The following MCTP2 variants were observed in gnomAD, a reference collection of about 807,000 sequenced individuals.
MCTP2 encodes the protein multiple C2 and transmembrane domain containing 2, also known as multiple C2 and transmembrane domain-containing protein 2.
In MCTP2, 132 loss-of-function variants were observed where a neutral mutation model predicts 111.6. The observed-to-expected ratio is 1.18, with a 90% confidence interval of 1.03 to 1.37. The LOEUF is 1.37. Among genes scored for constraint, MCTP2 ranks in the 40% most tolerant of loss-of-function variants. The probability of loss-of-function intolerance (pLI) is 0.00; values close to 1 mark genes in which losing one functional copy is unlikely to be tolerated. For synonymous variants in MCTP2, 395 were observed against 387.7 expected, an observed-to-expected ratio of 1.02 and a Z score of -0.22; for missense variants, 1,183 against 1,067.9, an observed-to-expected ratio of 1.11 and a Z score of -1.50.
intron 2 of MCTP2, among the ~76,000 whole-genome samples, chr15:94,305,929 C>T (rs294543): frequency 0.64 from 97,023 of 152,034 alleles, 32,690 homozygotes; most frequent in African/African-American, 0.86. Flanking sequence ...AGCACTCTCC[C>T]AGTACTTACT....
chr15:94,369,946 A>G (rs2079398288), intron 11 of MCTP2, 141 bp from the exon 12 acceptor site: 1 of 494,580 alleles, frequency 2.0e-6, no homozygotes, highest in Non-Finnish European at 3.5e-6. Flanking sequence ...CCTGTTATAT[A>G]ATATATTTTT....
At chr15:94,474,796 C>T (rs2074217407) in intron 21 of MCTP2, among the ~76,000 whole-genome samples, 1 of 152,014 alleles carries the variant, frequency 6.6e-6, no homozygotes, top group African/African-American at 2.4e-5. Context: ...ATCCTGGACA[C>T]CTTCATAAAT....
chr15:94,450,720 A>T (rs1369957297), intron 19 of MCTP2, among the ~76,000 whole-genome samples: 1 of 152,188 alleles, frequency 6.6e-6, no homozygotes. Context: ...TTTTTGCATT[A>T]ATCTCTTCTG....
chr15:94,236,153 GCCTTGTTT>G (rs1192189147), intron 1 of MCTP2, among the ~76,000 whole-genome samples: 1 of 152,072 alleles, frequency 6.6e-6, no homozygotes, highest in Non-Finnish European at 1.5e-5. Context: ...ATGGAAGGTG[GCCTTGTTT>G]CCTTGTTTAG....
intron 17 of MCTP2, among the ~76,000 whole-genome samples, chr15:94,411,098 CT>C (rs2082132711): frequency 6.6e-6 from 1 of 152,144 alleles, no homozygotes; most frequent in African/African-American, 2.4e-5. Context: ...CTTTTCTCCC[CT>C]TTCATTTGTT....
chr15:94,437,590 C>A (rs1305116686), intron 17 of MCTP2, among the ~76,000 whole-genome samples: 5 of 151,996 alleles, frequency 3.3e-5, no homozygotes, highest in Admixed American at 3.3e-4. Flanking sequence ...AAGACAATCT[C>A]AGTCTTAATT....
At chr15:94,362,393 T>C (rs1009277103) in intron 10 of MCTP2, among the ~76,000 whole-genome samples, 3 of 152,214 alleles carry the variant, frequency 2.0e-5, no homozygotes, top group Admixed American at 6.5e-5. Flanking sequence ...TTAATTTAGT[T>C]TGGAAAGGTT....
At position 94,306,762 on chromosome 15, in the gene MCTP2, T is replaced by C. The variant is rs529496477; in HGVS notation, c.466-7520T>C. ...TTTGGCAGTTGGAGTTGTGAATAACTAGCTTTGGCATGCACTTACGTGGGT... is the reference window on the plus strand; with the variant it reads ...TTTGGCAGTTGGAGTTGTGAATAACCAGCTTTGGCATGCACTTACGTGGGT... On this transcript the variant is annotated intron_variant, in intron 2 of 22. Transcript: ENST00000357742. Among the ~76,000 whole-genome samples the C allele has an allele frequency of 4.7e-4, 72 of 152,316 alleles. 4 individuals are homozygous for C. In the South Asian group the frequency reaches 0.012, roughly 25 times the overall value.
chr15:94,334,695 C>T (rs11631948), intron 4 of MCTP2, among the ~76,000 whole-genome samples: 21,521 of 151,800 alleles, frequency 0.14, 1,781 homozygotes, highest in Non-Finnish European at 0.15. Flanking sequence ...GCAACCACAA[C>T]CAGCTAATTT....
chr15:94,325,419 G>A (rs1440033491), intron 4 of MCTP2, among the ~76,000 whole-genome samples: 1 of 152,200 alleles, frequency 6.6e-6, no homozygotes, highest in South Asian at 2.1e-4. Context: ...GAACAGGAAT[G>A]ACTTTGTGAT....
chr15:94,331,749 T>G (rs192487726), intron 4 of MCTP2, among the ~76,000 whole-genome samples: 7 of 152,334 alleles, frequency 4.6e-5, no homozygotes, highest in Non-Finnish European at 8.8e-5. Flanking sequence ...GGTCTGTCCA[T>G]GGGCAGACCT....
intron 10 of MCTP2, 124 bp from the exon 11 acceptor site, chr15:94,367,481 T>G (rs2079251231): frequency 1.4e-6 from 1 of 731,558 alleles, no homozygotes; most frequent in Non-Finnish European, 2.2e-6. Context: ...TGCTGCTCAA[T>G]AAACCTAAGA....
At chr15:94,418,975 T>A (rs1004629532) in intron 17 of MCTP2, among the ~76,000 whole-genome samples, 2 of 152,158 alleles carry the variant, frequency 1.3e-5, no homozygotes, top group African/African-American at 4.8e-5. Flanking sequence ...ACATTTTATA[T>A]GTACTTTCTT....
chr15:94,298,386 A>G lies in MCTP2; in HGVS notation c.121A>G (p.Arg41Gly). 1 of 1,614,178 alleles carries G rather than the reference A, an allele frequency of 6.2e-7. No individual in the cohort carries two copies. The change falls in exon 2 of 23, where the codon AGG becomes GGG. Residue 41 changes from arginine to glycine, a missense_variant. Coordinates refer to ENST00000357742, the MANE Select transcript of MCTP2 (RefSeq NM_001385001.1). The part of the protein sequence containing the change: ...NPSKPPDLRA[R>G]HHLDRRLSLS... ...AAGTAAGCCCCCAGATCTACGGGCA[A>G]GGCATCACTTGGACCGCCGTCTCAG...
At chr15:94,327,123 G>A (rs68170939) in intron 4 of MCTP2, among the ~76,000 whole-genome samples, 1 of 151,820 alleles carries the variant, frequency 6.6e-6, no homozygotes, top group Admixed American at 6.6e-5. Context: ...TTAATCTTAC[G>A]ATTCTTTTCT....
chr15:94,427,221 G>C (rs547342885), intron 17 of MCTP2, among the ~76,000 whole-genome samples: 1 of 152,210 alleles, frequency 6.6e-6, no homozygotes, highest in Non-Finnish European at 1.5e-5. Context: ...AGATTTTTAA[G>C]ATTGAAGCAA....
chr15:94,340,692 T>C lies in MCTP2; in HGVS notation c.858-121T>C, dbSNP rs570662865. ...TATTTTCACTAAATTTTGTGCTTTC[T>C]TAACATCATGTCTAATCCTTATTCA... On this transcript the variant is annotated intron_variant, in intron 6 of 22. Coordinates refer to ENST00000357742, the MANE Select transcript of MCTP2 (RefSeq NM_001385001.1). 440 of 597,302 alleles carry C rather than the reference T, an allele frequency of 7.4e-4. 7 individuals are homozygous for C. The South Asian group carries it at 0.012, about 16-fold the overall frequency. The allele number at this position is 597,302 out of a possible 1,614,324, so 37.0% of individuals were successfully genotyped here.
chr15:94,404,356 C>T (rs2081784555), intron 17 of MCTP2, among the ~76,000 whole-genome samples: 1 of 145,426 alleles, frequency 6.9e-6, no homozygotes, highest in Admixed American at 7.0e-5. Context: ...GGCTGGAGTG[C>T]AGAGGCACGA....
intron 7 of MCTP2, chr15:94,341,577 T>G (rs1174119538): frequency 6.6e-6 from 1 of 152,160 alleles, no homozygotes; most frequent in Non-Finnish European, 1.5e-5. Flanking sequence ...TATAATTAGG[T>G]CTCCAGTAAT....
Sources: gnomAD v4.1 joint callset for allele counts (sites outside exome capture counted in the v4.1 genomes callset) on GRCh38, gnomAD v4.1.1 for gene constraint, MANE v1.5 for transcripts, NCBI Gene and HGNC (gene_info 2026-07-23, HGNC 2026-07-21) for gene names.